The following TCOF1 variants were observed in gnomAD, a reference collection of about 807,000 sequenced individuals.
TCOF1 encodes the protein treacle ribosome biogenesis factor 1.
In TCOF1, 33 loss-of-function variants were observed where a neutral mutation model predicts 149.0. The ratio of observed to expected loss-of-function variants is 0.22; its 90% CI spans 0.17 to 0.30. The LOEUF (loss-of-function observed/expected upper bound fraction) is 0.30, where lower values mean the gene tolerates loss of function less well. TCOF1 is among the 10% of genes least tolerant of loss of function. The pLI, the probability that TCOF1 is intolerant of heterozygous loss-of-function variation, is 1.00. For synonymous variants in TCOF1, 789 were observed against 738.8 expected, an observed-to-expected ratio of 1.07 and a Z score of -1.10; for missense variants, 1,728 against 1,840.7, an observed-to-expected ratio of 0.94 and a Z score of 1.12.
intron 3 of TCOF1, 127 bp from the exon 4 acceptor site, chr5:150,367,717 C>A: frequency 9.1e-7 from 1 of 1,097,634 alleles, no homozygotes; most frequent in Non-Finnish European, 1.4e-6. Context: ...TGGGCTCAGC[C>A]TCAGATCCTC....
chr5:150,371,922 A>G (rs1440904432), intron 6 of TCOF1, 84 bp from the exon 7 acceptor site: 2 of 1,238,568 alleles, frequency 1.6e-6, no homozygotes, highest in Non-Finnish European at 2.3e-6. Context: ...AAAGAGCTTT[A>G]TCAACTGCTG....
At chr5:150,383,273 A>G (rs1327542024) in intron 17 of TCOF1, 2 of 982,178 alleles carry the variant, frequency 2.0e-6, no homozygotes, top group Non-Finnish European at 2.9e-6. Context: ...ATCTCGCCAT[A>G]TTTAAACAGC....
intron 17 of TCOF1, among the ~76,000 whole-genome samples, chr5:150,386,263 G>A (rs1404338500): frequency 6.6e-6 from 1 of 152,188 alleles, no homozygotes; most frequent in Non-Finnish European, 1.5e-5. Context: ...AACATCCCAA[G>A]ACGCTATTGT....
rs2150743768 is a variant in TCOF1 at position 150,376,626 on chromosome 5, G to A, written c.2340+6G>A. ...CAGCTGCATCTCCAGCACAGGTGAGGCCTAGAAGGAGCAGGCCCATCCCAC... is the reference window on the plus strand; with the variant it reads ...CAGCTGCATCTCCAGCACAGGTGAGACCTAGAAGGAGCAGGCCCATCCCAC... On this transcript the variant is annotated splice_donor_region_variant and intron_variant, in intron 14 of 26. Coordinates refer to ENST00000643257, the MANE Select transcript of TCOF1 (RefSeq NM_001371623.1). 1.3e-6 allele frequency: 2 copies of A among 1,557,688 alleles called. No homozygotes were observed. The highest frequency in any genetic ancestry group is 1.4e-5 in the African/African-American group (1 of 73,420).
At position 150,374,768 on chromosome 5, in the gene TCOF1, G is replaced by A. The variant is rs1233541972; in HGVS notation, c.1235G>A (p.Ser412Asn). 2 of 1,613,176 alleles carry A rather than the reference G, an allele frequency of 1.2e-6. No homozygotes were observed. The highest frequency in any genetic ancestry group is 2.2e-5 in the South Asian group (2 of 91,020). Residue 412 changes from serine (S) to asparagine (N), a missense_variant, in exon 9 of 27, where the codon AGC becomes AAC. Ser to Asn is a conservative substitution (Grantham distance 46, BLOSUM62 1). This residue lies in a region of TCOF1 where 1,696 missense variants were observed against 1,765.4 expected (regional missense o/e 0.96). Transcript: ENST00000643257. Reference protein sequence around the residue: ...QAGKREEDSQSSSEESDSEEE... With the variant: ...QAGKREEDSQNSSEESDSEEE... ...GGGAAGCGGGAGGAGGACTCGCAGA[G>A]CAGCAGCGAGGAATCGGACAGTGAG...
At chr5:150,387,026 C>T (rs374381798) in intron 17 of TCOF1, among the ~76,000 whole-genome samples, 2 of 152,218 alleles carry the variant, frequency 1.3e-5, no homozygotes, top group East Asian at 1.9e-4. Context: ...TGAGCAGGCT[C>T]GTTTCACGCA....
chr5:150,380,028 T>G, intron 17 of TCOF1: 1 of 392,376 alleles, frequency 2.5e-6, no homozygotes. Context: ...GCCAAGATCA[T>G]GCCACTGCAC....
At chr5:150,374,408 T>C in intron 8 of TCOF1, 22 bp downstream of exon 8, 1 of 1,551,132 alleles carries the variant, frequency 6.4e-7, no homozygotes, top group Non-Finnish European at 8.7e-7. Flanking sequence ...GGAGGGAGAC[T>C]CCATGCAGCC....
Position 150,379,918 on chromosome 5 carries a change from A to G in TCOF1, c.2859+186A>G, listed in dbSNP as rs1033302528. The G allele has an allele frequency of 6.6e-5, 44 of 664,640 alleles. No individual in the cohort carries two copies. The South Asian group carries it at 7.0e-4, about 11-fold the overall frequency. The allele number at this position is 664,640 out of a possible 1,614,324, so 41.2% of individuals were successfully genotyped here. A position where few individuals can be genotyped will look rare whatever the true frequency, so the allele number is the denominator to read the frequency against. ...GAAACCCCGTCTCTACTAAAAATAT[A>G]AAAATTAGCTGGGCATGGTGGCGGG... On this transcript the variant is annotated intron_variant, in intron 17 of 26. Coordinates refer to ENST00000643257, the MANE Select transcript of TCOF1 (RefSeq NM_001371623.1).
intron 14 of TCOF1, among the ~76,000 whole-genome samples, chr5:150,378,205 G>A (rs1041127168): frequency 1.3e-5 from 2 of 152,214 alleles, no homozygotes; most frequent in Admixed American, 6.5e-5. Context: ...CCATCCCTGA[G>A]TGAGGCAGGG....
chr5:150,400,232 T>C lies in TCOF1; in HGVS notation c.*445T>C, dbSNP rs1373939903. 6.6e-6 allele frequency: 1 copy of C among 151,020 alleles called. No individual in the cohort carries two copies. The allele number at this position is 151,020 out of a possible 1,614,324, so 9.4% of individuals were successfully genotyped here. A position where few individuals can be genotyped will look rare whatever the true frequency, so the allele number is the denominator to read the frequency against. On this transcript the variant is annotated 3_prime_UTR_variant, in exon 27 of 27. Transcript: ENST00000643257. ...GTCTTCCTCTCGTCAGTTCTTTTGG[T>C]TGTGTTTTTTGTTTTTTTTTTAATA...
chr5:150,399,499 C>T (rs1481114233), intron 26 of TCOF1, among the ~76,000 whole-genome samples: 3 of 152,094 alleles, frequency 2.0e-5, no homozygotes, highest in African/African-American at 7.2e-5. Context: ...TCTATGCTTC[C>T]CTATGGAGGA....
intron 18 of TCOF1, 46 bp downstream of exon 18, chr5:150,388,134 C>T: frequency 6.2e-7 from 1 of 1,610,222 alleles, no homozygotes; most frequent in Non-Finnish European, 8.5e-7. Context: ...GCCAGCACTG[C>T]CCCACATTGA....
At chr5:150,383,642 A>G in intron 17 of TCOF1, 1 of 1,280,818 alleles carries the variant, frequency 7.8e-7, no homozygotes, top group Non-Finnish European at 1.1e-6. Flanking sequence ...CTTAGAGTTG[A>G]AGCAGTTTCC....
Position 150,374,618 on chromosome 5 carries a change from C to T in TCOF1, c.1085C>T (p.Ala362Val), listed in dbSNP as rs771075643. 2.7e-5 allele frequency: 43 copies of T among 1,611,186 alleles called. No individual in the cohort carries two copies. Among genetic ancestry groups the T allele is most frequent in the East Asian group, 4.5e-5 (2 of 44,660 alleles). The part of the protein sequence containing the change: ...ETPAAKALLQ[A>V]KASGKTSQVG... The stretch of plus-strand genomic sequence containing the variant: ...TCTCCCCTTGTCTTGTTTCTCCAGG[C>T]GAAGGCCTCAGGAAAAACCTCTCAG... The change falls in exon 9 of 27, where the codon GCG (alanine) becomes GTG (valine). Residue 362 changes from alanine to valine, a missense_variant and splice_region_variant. Transcript: ENST00000643257.
intron 7 of TCOF1, 65 bp downstream of exon 7, chr5:150,372,301 G>T (rs1762726199): frequency 1.4e-6 from 2 of 1,412,478 alleles, no homozygotes; most frequent in African/African-American, 2.9e-5. Context: ...TGAGCACTCT[G>T]CCATGAGCAC....
chr5:150,381,688 A>G (rs1765219858), intron 17 of TCOF1, among the ~76,000 whole-genome samples: 1 of 152,194 alleles, frequency 6.6e-6, no homozygotes, highest in Non-Finnish European at 1.5e-5. Flanking sequence ...TTAAGTTTTC[A>G]ATGAGTTCTT....
At chr5:150,372,959 G>A (rs1762867757) in intron 7 of TCOF1, among the ~76,000 whole-genome samples, 1 of 152,166 alleles carries the variant, frequency 6.6e-6, no homozygotes, top group South Asian at 2.1e-4. Context: ...GTAGGACTAC[G>A]AATTGTGACA....
intron 21 of TCOF1, 139 bp downstream of exon 21, chr5:150,392,315 C>A (rs1307877998): frequency 2.5e-6 from 2 of 811,240 alleles, no homozygotes; most frequent in Non-Finnish European, 3.8e-6. Context: ...AGTTTCCCCA[C>A]CTGTACAACT....
Sources: allele counts gnomAD v4.1 joint callset (sites outside exome capture counted in the v4.1 genomes callset), GRCh38; gene constraint gnomAD v4.1.1; regional missense constraint gnomAD v4.1.1; transcripts MANE v1.5; gene names NCBI Gene and HGNC (gene_info 2026-07-23, HGNC 2026-07-21).